Variants in PCDHA1 observed in about 807,000 individuals in gnomAD.
PCDHA1 encodes protocadherin alpha-1.
A neutral mutation model predicts 61.3 loss-of-function variants in PCDHA1; 42 were observed. The ratio of observed to expected loss-of-function variants is 0.69; its 90% CI spans 0.54 to 0.89. The LOEUF (loss-of-function observed/expected upper bound fraction) is 0.89, where lower values mean the gene tolerates loss of function less well. Among genes scored for constraint, PCDHA1 ranks in the 40% least tolerant of loss-of-function variants. The pLI is 0.00. For synonymous variants in PCDHA1, 610 were observed against 553.8 expected (o/e 1.10, Z -1.43); for missense variants, 1,256 against 1,235.3 (o/e 1.02, Z -0.25).
chr5:140,866,677 G>A (rs782218499), intron 1 of PCDHA1: 2 of 152,084 alleles, frequency 1.3e-5, no homozygotes, highest in African/African-American at 2.4e-5. Context: ...AATAGCACTA[G>A]GTCTGTTAGA....
intron 1 of PCDHA1, among the ~76,000 whole-genome samples, chr5:140,955,553 C>A (rs782183120): frequency 2.6e-5 from 4 of 152,088 alleles, no homozygotes; most frequent in Non-Finnish European, 5.9e-5. Flanking sequence ...TGAGGCCTCC[C>A]CAGCCATACT....
chr5:140,884,766 T>G, intron 1 of PCDHA1: 1 of 1,416,492 alleles, frequency 7.1e-7, no homozygotes, highest in Non-Finnish European at 9.3e-7. Context: ...TTCTTTACTT[T>G]AATTTTAATT....
At chr5:141,004,030 C>T (rs1337271425) in intron 3 of PCDHA1, among the ~76,000 whole-genome samples, 1 of 152,204 alleles carries the variant, frequency 6.6e-6, no homozygotes, top group Non-Finnish European at 1.5e-5. Flanking sequence ...GAAACATTTC[C>T]TTGATTGATC....
intron 1 of PCDHA1, chr5:140,850,313 G>C (rs113332257): frequency 1.3e-6 from 2 of 1,597,364 alleles, no homozygotes; most frequent in African/African-American, 1.3e-5. Context: ...ACAACGCGTG[G>C]CTTTCATACG....
intron 1 of PCDHA1, chr5:140,808,527 A>T: frequency 1.9e-6 from 3 of 1,614,152 alleles, no homozygotes; most frequent in South Asian, 2.2e-5. Flanking sequence ...GAGGTGGCTG[A>T]TGTGAACGAC....
intron 1 of PCDHA1, among the ~76,000 whole-genome samples, chr5:140,855,406 C>T (rs2043455181): frequency 6.7e-6 from 1 of 149,796 alleles, no homozygotes; most frequent in Non-Finnish European, 1.5e-5. Context: ...GATGTTGAAG[C>T]TAATGATCTC....
intron 1 of PCDHA1, chr5:140,795,202 C>G (rs781923854): frequency 3.1e-6 from 5 of 1,614,188 alleles, no homozygotes; most frequent in Non-Finnish European, 4.2e-6. Flanking sequence ...GGTAAATCTG[C>G]AGAATGGCAT....
Position 140,873,523 on chromosome 5 carries a change from G to A in PCDHA1, c.2394+84839G>A, listed in dbSNP as rs1371984958. 2.0e-5 allele frequency among the ~76,000 whole-genome samples: 3 copies of A among 152,090 alleles called. No homozygotes were observed. In the East Asian group the frequency reaches 5.8e-4, roughly 29 times the overall value. ...GTCTTTTATACTTAATGCCAAGATTGCATTCTATGGTATAAAATTATAATT... is the reference window on the plus strand; with the variant it reads ...GTCTTTTATACTTAATGCCAAGATTACATTCTATGGTATAAAATTATAATT... On this transcript the variant is annotated intron_variant, in intron 1 of 3. Transcript: ENST00000504120.
At chr5:140,843,158 C>T in intron 1 of PCDHA1, 1 of 1,596,142 alleles carries the variant, frequency 6.3e-7, no homozygotes, top group Non-Finnish European at 8.6e-7. Flanking sequence ...TGAGCTGCAG[C>T]CAGCTGCAAG....
intron 1 of PCDHA1, among the ~76,000 whole-genome samples, chr5:140,926,207 C>A (rs1259453811): frequency 6.6e-6 from 1 of 152,074 alleles, no homozygotes; most frequent in Non-Finnish European, 1.5e-5. Flanking sequence ...TCGGGGGGCT[C>A]CTGTTTCCTT....
rs377755323 is a variant in PCDHA1 at position 140,870,200 on chromosome 5, C to T, written c.2394+81516C>T. Reference sequence around the variant, plus strand: ...GTACGAGAGGACGCTCAGCCCAGCACGGTCATTGCCCTGATCAGCGTGTCT... The same window carrying T: ...GTACGAGAGGACGCTCAGCCCAGCATGGTCATTGCCCTGATCAGCGTGTCT... On this transcript the variant is annotated intron_variant, in intron 1 of 3. Transcript: ENST00000504120. 7 of 1,614,172 alleles carry T rather than the reference C, an allele frequency of 4.3e-6. No homozygotes were observed. The African/African-American group carries it at 5.3e-5, about 12-fold the overall frequency.
rs1254354370 is a variant in PCDHA1, at chr5:140,853,174, T to C, written c.2394+64490T>C. Reference sequence around the variant, plus strand: ...GATTACAGGCGTGAGCCACCGCGCCTGGCCTAAAATGTGTTCTTTATTATT... The same window carrying C: ...GATTACAGGCGTGAGCCACCGCGCCCGGCCTAAAATGTGTTCTTTATTATT... On this transcript the variant is annotated intron_variant, in intron 1 of 3. Coordinates refer to ENST00000504120, the MANE Select transcript of PCDHA1 (RefSeq NM_018900.4). 56 of 970,124 alleles carry C rather than the reference T, an allele frequency of 5.8e-5. 5 individuals carry two copies. Among genetic ancestry groups the C allele is most frequent in the Non-Finnish European group, 6.7e-5 (54 of 803,994 alleles). 60.1% of individuals were successfully genotyped at this position (970,124 alleles called of 1,614,324 possible). A position where few individuals can be genotyped will look rare whatever the true frequency, so the allele number is the denominator to read the frequency against.
At chr5:140,876,361 C>T (rs1554168496) in intron 1 of PCDHA1, 1 of 1,613,880 alleles carries the variant, frequency 6.2e-7, no homozygotes. Flanking sequence ...TTCAATAAAT[C>T]CAGACACAGG....
At chr5:140,900,957 A>C (rs1264192105) in intron 1 of PCDHA1, among the ~76,000 whole-genome samples, 1 of 152,206 alleles carries the variant, frequency 6.6e-6, no homozygotes, top group African/African-American at 2.4e-5. Flanking sequence ...TCTGATTATC[A>C]GTGATGTTGA....
intron 3 of PCDHA1, among the ~76,000 whole-genome samples, chr5:140,988,057 C>G (rs557714672): frequency 2.0e-4 from 30 of 152,188 alleles, no homozygotes; most frequent in Non-Finnish European, 3.7e-4. Context: ...GCACTGTCAA[C>G]ATGAATTTTT....
rs144422081 is a variant in PCDHA1 at position 140,808,638 on chromosome 5, C to A, written c.2394+19954C>A. 1.9e-3 allele frequency: 3,056 copies of A among 1,613,424 alleles called. 55 individuals carry two copies. In the African/African-American group the frequency reaches 0.036, roughly 19 times the overall value. On this transcript the variant is annotated intron_variant, in intron 1 of 3. Transcript: ENST00000504120. ...ACTGTGTCTGCGTGGGACGCGGACGCGCAGGAGAACGCGCTGGTGTCCTAC... is the reference window on the plus strand; with the variant it reads ...ACTGTGTCTGCGTGGGACGCGGACGAGCAGGAGAACGCGCTGGTGTCCTAC...
chr5:140,841,820 GT>G (rs2150323567), intron 1 of PCDHA1: 1 of 1,613,910 alleles, frequency 6.2e-7, no homozygotes, highest in Non-Finnish European at 8.5e-7. Context: ...AGCTAACTCC[GT>G]GTTAACCTAC....
At chr5:140,912,767 G>A (rs1388605585) in intron 1 of PCDHA1, among the ~76,000 whole-genome samples, 2 of 152,064 alleles carry the variant, frequency 1.3e-5, no homozygotes, top group African/African-American at 4.8e-5. Context: ...TTATTACTTT[G>A]AGGTATGTCC....
At chr5:140,908,726 G>A (rs1304356386) in intron 1 of PCDHA1, among the ~76,000 whole-genome samples, 3 of 152,188 alleles carry the variant, frequency 2.0e-5, no homozygotes, top group African/African-American at 4.8e-5. Flanking sequence ...TGGGTCATAT[G>A]GCTCGAGAAA....
Sources: allele counts gnomAD v4.1 joint callset (sites outside exome capture counted in the v4.1 genomes callset), GRCh38; gene constraint gnomAD v4.1.1; transcripts MANE v1.5; gene names NCBI Gene and HGNC (gene_info 2026-07-23, HGNC 2026-07-21).